Variants in PGAM1 observed in about 807,000 individuals in gnomAD.
The protein encoded by PGAM1 is phosphoglycerate mutase 1, also known as BPG-dependent PGAM 1.
In PGAM1, 21 loss-of-function variants were observed where a neutral mutation model predicts 23.5. The ratio of observed to expected loss-of-function variants is 0.89; its 90% CI spans 0.63 to 1.29. PGAM1 has a LOEUF of 1.29. PGAM1 is among the 50% of genes most tolerant of loss of function. The pLI is 0.00. For missense variants in PGAM1, 232 were observed against 336.3 expected (o/e 0.69, Z 2.42); for synonymous variants, 109 against 128.6 (o/e 0.85, Z 1.03).
In PGAM1 at chr10:97,429,092, CTTTTTTTTTTTTT is replaced by C. The variant is rs888329236; in HGVS notation, c.140-1274_140-1262del. 1.7e-4 allele frequency among the ~76,000 whole-genome samples: 14 copies of C among 84,764 alleles called. No homozygotes were observed. The South Asian group carries it at 5.2e-3, about 31-fold the overall frequency. 55.6% of individuals were successfully genotyped at this position (84,764 alleles called of 152,430 possible). A position where few individuals can be genotyped will look rare whatever the true frequency, so the allele number is the denominator to read the frequency against. On this transcript the variant is annotated intron_variant, in intron 1 of 3. Coordinates refer to ENST00000334828, the MANE Select transcript of PGAM1 (RefSeq NM_002629.4). The stretch of plus-strand genomic sequence containing the variant: ...GAAACAAAATCAATAAGACTGATTC[CTTTTTTTTTTTTT>C]TTTTTTTTTTTTGCGTGCGACAGAG...
In PGAM1 at chr10:97,430,631, C is replaced by G; in HGVS notation, c.392C>G (p.Pro131Arg). 1 of 1,602,964 alleles carries G rather than the reference C, an allele frequency of 6.2e-7. No homozygotes were observed. The highest frequency in any genetic ancestry group is 8.5e-7 in the Non-Finnish European group (1 of 1,179,988). Residue 131 changes from proline to arginine, a missense_variant, in exon 2 of 4, where the codon CCT (proline) becomes CGT (arginine). Around this residue, in one of 3 missense-constraint regions of PGAM1, gnomAD observed 191 missense variants for 241.7 expected, o/e 0.79. Coordinates refer to ENST00000334828, the MANE Select transcript of PGAM1 (RefSeq NM_002629.4). Reference protein sequence around the residue: ...VPPPPMEPDHPFYSNISKDRR... With the variant: ...VPPPPMEPDHRFYSNISKDRR... Reference sequence around the variant, plus strand: ...CCACCTCCGATGGAGCCCGACCATCCTTTCTACAGCAACATCAGTAAGGTA... The same window carrying G: ...CCACCTCCGATGGAGCCCGACCATCGTTTCTACAGCAACATCAGTAAGGTA...
rs147287277 is a variant in PGAM1 at position 97,432,384 on chromosome 10, A to G, written c.625A>G (p.Asn209Asp). The change falls in exon 4 of 4, where the codon AAC becomes GAC. Residue 209 changes from asparagine (N) to aspartate (D), a missense_variant. Coordinates refer to ENST00000334828, the MANE Select transcript of PGAM1 (RefSeq NM_002629.4). ...GLSEEAIMEL[N>D]LPTGIPIVYE... ...CTCTGAAGAGGCTATCATGGAGCTG[A>G]ACCTGCCGACTGGTATTCCCATTGT... The G allele has an allele frequency of 2.9e-4, 472 of 1,611,954 alleles. No individual in the cohort carries two copies. Among genetic ancestry groups the G allele is most frequent in the Non-Finnish European group, 3.8e-4 (448 of 1,179,932 alleles).
chr10:97,432,206 T>C, intron 3 of PGAM1, 149 bp from the exon 4 acceptor site: 1 of 1,100,616 alleles, frequency 9.1e-7, no homozygotes, highest in South Asian at 1.3e-5. Context: ...GTGGGGGCCA[T>C]TCCCTGGGTT....
Position 97,432,813 on chromosome 10 carries a change from C to T in PGAM1, c.*289C>T, listed in dbSNP as rs1232292122. 3 of 291,406 alleles carry T rather than the reference C, an allele frequency of 1.0e-5. No homozygotes were observed. Among genetic ancestry groups the T allele is most frequent in the Non-Finnish European group, 1.9e-5 (3 of 154,668 alleles). The allele number at this position is 291,406 out of a possible 1,614,324, so 18.1% of individuals were successfully genotyped here. A position where few individuals can be genotyped will look rare whatever the true frequency, so the allele number is the denominator to read the frequency against. ...TTAAAAGTAGTGACTTGGGTTTTTG[C>T]GAGTGCTTTGTTTACTAAGGACTTT... On this transcript the variant is annotated 3_prime_UTR_variant, in exon 4 of 4. Coordinates refer to ENST00000334828, the MANE Select transcript of PGAM1 (RefSeq NM_002629.4).
chr10:97,433,120 A>G lies in PGAM1; in HGVS notation c.*596A>G, dbSNP rs1209117451. 7 of 153,690 alleles carry G rather than the reference A, an allele frequency of 4.6e-5. No homozygotes were observed. Among genetic ancestry groups the G allele is most frequent in the Admixed American group, 3.2e-4 (5 of 15,652 alleles). 9.5% of individuals were successfully genotyped at this position (153,690 alleles called of 1,614,324 possible). A position where few individuals can be genotyped will look rare whatever the true frequency, so the allele number is the denominator to read the frequency against. ...AGTATAGTATATATAATACAAAACA[A>G]TAACCCTTCTGGGGTTTCTTGTGGC... On this transcript the variant is annotated 3_prime_UTR_variant, in exon 4 of 4. Transcript: ENST00000334828.
chr10:97,431,889 T>TA (rs549613576), intron 3 of PGAM1, among the ~76,000 whole-genome samples: 15,471 of 141,662 alleles, frequency 0.11, 925 homozygotes, highest in Middle Eastern at 0.14. Context: ...CCTTGTCTCT[T>TA]AAAAAAAAAA....
intron 1 of PGAM1, chr10:97,428,033 G>A: frequency 1.1e-6 from 1 of 897,166 alleles, no homozygotes; most frequent in Non-Finnish European, 1.6e-6. Flanking sequence ...GAAAGTGCTG[G>A]TAAAGGAGGC....
intron 1 of PGAM1, among the ~76,000 whole-genome samples, chr10:97,428,882 G>A (rs551274676): frequency 6.6e-6 from 1 of 152,186 alleles, no homozygotes; most frequent in East Asian, 1.9e-4. Flanking sequence ...ATGACTGGCA[G>A]AAAAATTCAC....
chr10:97,432,264 C>T, intron 3 of PGAM1, 91 bp from the exon 4 acceptor site: 1 of 1,552,512 alleles, frequency 6.4e-7, no homozygotes, highest in Non-Finnish European at 8.9e-7. Context: ...TAATTTCTGT[C>T]AAAGTCCTTT....
chr10:97,431,231 A>T, intron 3 of PGAM1, 96 bp downstream of exon 3: 1 of 1,381,218 alleles, frequency 7.2e-7, no homozygotes, highest in Non-Finnish European at 1.0e-6. Flanking sequence ...GAAGGGCTGG[A>T]CATGTTAACA....
intron 1 of PGAM1, chr10:97,427,501 T>C (rs1845423460): frequency 2.9e-6 from 3 of 1,026,466 alleles, no homozygotes; most frequent in South Asian, 6.9e-5. Flanking sequence ...TTTGGAAAGA[T>C]GACTTGTCCA....
At chr10:97,431,563 T>A (rs900445250) in intron 3 of PGAM1, among the ~76,000 whole-genome samples, 1 of 151,942 alleles carries the variant, frequency 6.6e-6, no homozygotes, top group Non-Finnish European at 1.5e-5. Flanking sequence ...GAGGACCACT[T>A]GAGGCCAGGA....
chr10:97,431,228 T>C, intron 3 of PGAM1, 93 bp downstream of exon 3: 1 of 1,438,384 alleles, frequency 7.0e-7, no homozygotes, highest in Admixed American at 1.7e-5. Context: ...AGGGAAGGGC[T>C]GGACATGTTA....
intron 1 of PGAM1, 80 bp from the exon 2 acceptor site, chr10:97,430,299 G>A: frequency 6.5e-7 from 1 of 1,536,860 alleles, no homozygotes; most frequent in Non-Finnish European, 9.0e-7. Flanking sequence ...TGGACTACTT[G>A]TACAGGAGAT....
chr10:97,433,356 C>G lies in PGAM1; in HGVS notation c.*832C>G, dbSNP rs1417863952. The G allele has an allele frequency of 1.3e-5, 2 of 152,290 alleles. No individual in the cohort carries two copies. Among genetic ancestry groups the G allele is most frequent in the Non-Finnish European group, 2.9e-5 (2 of 68,008 alleles). 9.4% of individuals were successfully genotyped at this position (152,290 alleles called of 1,614,324 possible). ...TGAATCATGTTCTAGTTGCTTGACCCTGCCACATGGGTCCAGTGTTCATCT... is the reference window on the plus strand; with the variant it reads ...TGAATCATGTTCTAGTTGCTTGACCGTGCCACATGGGTCCAGTGTTCATCT... On this transcript the variant is annotated 3_prime_UTR_variant, in exon 4 of 4. Coordinates refer to ENST00000334828, the MANE Select transcript of PGAM1 (RefSeq NM_002629.4).
chr10:97,428,079 C>T (rs995361262), intron 1 of PGAM1, among the ~76,000 whole-genome samples: 11 of 152,166 alleles, frequency 7.2e-5, no homozygotes, highest in Non-Finnish European at 1.3e-4. Flanking sequence ...AGAACTGTAT[C>T]AGTCCGTGGT....
chr10:97,432,260 C>A, intron 3 of PGAM1, 95 bp from the exon 4 acceptor site: 1 of 1,527,584 alleles, frequency 6.5e-7, no homozygotes, highest in Non-Finnish European at 9.1e-7. Context: ...ATTTTAATTT[C>A]TGTCAAAGTC....
At chr10:97,431,187 C>T (rs753327335) in intron 3 of PGAM1, 52 bp downstream of exon 3, 3 of 1,604,444 alleles carry the variant, frequency 1.9e-6, no homozygotes, top group South Asian at 1.1e-5. Flanking sequence ...GCAGAACTGC[C>T]ACAAATCAGG....
At position 97,426,292 on chromosome 10, in the gene PGAM1, T is replaced by C. The variant is rs749474167; in HGVS notation, c.-16T>C. 8 of 1,609,510 alleles carry C rather than the reference T, an allele frequency of 5.0e-6. No individual in the cohort carries two copies. In the Admixed American group the frequency reaches 1.0e-4, roughly 20 times the overall value. ...TCTGCTAATCCCAGTCGGTGCCGCA[T>C]CCCCAGCCCGCCGCCATGGCCGCCT... is the stretch of plus-strand genomic sequence containing the variant. On this transcript the variant is annotated 5_prime_UTR_variant, in exon 1 of 4. Transcript: ENST00000334828.
Sources: gnomAD v4.1 joint callset for allele counts (sites outside exome capture counted in the v4.1 genomes callset) on GRCh38, gnomAD v4.1.1 for gene constraint, gnomAD v4.1.1 regional missense constraint, MANE v1.5 for transcripts, NCBI Gene and HGNC (gene_info 2026-07-23, HGNC 2026-07-21) for gene names.